The following ZMIZ1 variants were observed in gnomAD, a reference collection of about 807,000 sequenced individuals.
The protein encoded by ZMIZ1 is zinc finger MIZ domain-containing protein 1.
ZMIZ1 carries 17 observed loss-of-function variants against 113.9 expected under a neutral mutation model. That is an observed-to-expected ratio of 0.15 (90% CI 0.10 to 0.22). The LOEUF (loss-of-function observed/expected upper bound fraction) is 0.22. Ranked by LOEUF, ZMIZ1 falls within the 10% of genes least tolerant of loss-of-function variation. The pLI is 1.00. For missense variants in ZMIZ1, 1,059 were observed against 1,477.8 expected (o/e 0.72, Z 4.65); for synonymous variants, 607 against 603.1 (o/e 1.01, Z -0.09).
intron 5 of ZMIZ1, among the ~76,000 whole-genome samples, chr10:79,205,069 G>A (rs553597265): frequency 1.2e-4 from 19 of 152,344 alleles, no homozygotes; most frequent in African/African-American, 4.1e-4. Flanking sequence ...GGATTGATAA[G>A]ATGAATTCAT....
chr10:79,162,005 C>T (rs1033392882), intron 3 of ZMIZ1, 48 bp from the exon 4 acceptor site: 5 of 398,894 alleles, frequency 1.3e-5, no homozygotes, highest in Non-Finnish European at 1.8e-5. Flanking sequence ...TGGTCAGTGC[C>T]GGGCCTCTAC....
At chr10:79,165,978 G>GGGCTCTTCC (rs1564692844) in intron 4 of ZMIZ1, among the ~76,000 whole-genome samples, 3 of 148,732 alleles carry the variant, frequency 2.0e-5, no homozygotes, top group Non-Finnish European at 3.0e-5. Flanking sequence ...GTGTGTGTGT[G>GGGCTCTTCC]TGTGTGTGTG....
intron 1 of ZMIZ1, among the ~76,000 whole-genome samples, chr10:79,100,534 G>C (rs1457184142): frequency 6.6e-6 from 1 of 152,094 alleles, no homozygotes; most frequent in Non-Finnish European, 1.5e-5. Flanking sequence ...TCACATCCCA[G>C]AGGGCCTTGA....
chr10:79,195,764 C>T (rs1177056185), intron 4 of ZMIZ1, among the ~76,000 whole-genome samples: 1 of 152,178 alleles, frequency 6.6e-6, no homozygotes, highest in Non-Finnish European at 1.5e-5. Flanking sequence ...GTGGGGACTA[C>T]CAGGAAGCTC....
intron 5 of ZMIZ1, among the ~76,000 whole-genome samples, chr10:79,203,883 C>G (rs1848206358): frequency 6.6e-6 from 1 of 152,240 alleles, no homozygotes; most frequent in Non-Finnish European, 1.5e-5. Context: ...TCACCTGCCC[C>G]GGCACACACA....
Position 79,159,671 on chromosome 10 carries a change from C to G in ZMIZ1, c.-130-2382C>G, listed in dbSNP as rs1195924032. 2.0e-5 allele frequency among the ~76,000 whole-genome samples: 3 copies of G among 152,230 alleles called. No individual in the cohort carries two copies. The East Asian group carries it at 5.8e-4, about 29-fold the overall frequency. On this transcript the variant is annotated intron_variant, in intron 3 of 24. Coordinates refer to ENST00000334512, the MANE Select transcript of ZMIZ1 (RefSeq NM_020338.4). The stretch of plus-strand genomic sequence containing the variant: ...AGTGCTAAAGGAAATATCCAGGGCA[C>G]AATCCACAATATGGACTCAATACAG...
intron 2 of ZMIZ1, among the ~76,000 whole-genome samples, chr10:79,124,350 A>G (rs532091119): frequency 9.8e-5 from 15 of 152,366 alleles, no homozygotes; most frequent in African/African-American, 3.6e-4. Context: ...AACTCAAAGC[A>G]CAGAGAGGTT....
intron 9 of ZMIZ1, 47 bp downstream of exon 9, chr10:79,289,936 T>G (rs1227858187): frequency 6.4e-7 from 1 of 1,574,784 alleles, no homozygotes. Context: ...TAGGCGGGAG[T>G]GTCCCTTGAC....
At chr10:79,184,352 T>C (rs1052995314) in intron 4 of ZMIZ1, among the ~76,000 whole-genome samples, 1 of 152,206 alleles carries the variant, frequency 6.6e-6, no homozygotes, top group African/African-American at 2.4e-5. Flanking sequence ...CCTTGGAGAC[T>C]GGCAGGTGTG....
intron 7 of ZMIZ1, among the ~76,000 whole-genome samples, chr10:79,260,394 A>G (rs983241562): frequency 2.0e-5 from 3 of 152,174 alleles, no homozygotes; most frequent in Non-Finnish European, 4.4e-5. Context: ...AGGTACGACA[A>G]TTCATAAACG....
intron 1 of ZMIZ1, among the ~76,000 whole-genome samples, chr10:79,097,976 C>G (rs1298388960): frequency 1.3e-5 from 2 of 152,218 alleles, no homozygotes; most frequent in African/African-American, 4.8e-5. Context: ...GTGGATCACT[C>G]AGGCACTCTC....
At position 79,316,225 on chromosome 10, in the gene ZMIZ1, G is replaced by A. The variant is rs942044369; in HGVS notation, c.*3476G>A. The A allele has an allele frequency of 5.2e-5, 8 of 152,524 alleles. No homozygotes were observed. The highest frequency in any genetic ancestry group is 1.4e-4 in the African/African-American group (6 of 41,442). The allele number at this position is 152,524 out of a possible 1,614,324, so 9.4% of individuals were successfully genotyped here. On this transcript the variant is annotated 3_prime_UTR_variant, in exon 25 of 25. Coordinates refer to ENST00000334512, the MANE Select transcript of ZMIZ1 (RefSeq NM_020338.4). The stretch of plus-strand genomic sequence containing the variant: ...AGTAACTCCCACAGAAACCATCATC[G>A]TCTTTGTACATCGTATGTACAATGC...
chr10:79,155,740 C>A (rs2132468696), intron 3 of ZMIZ1, among the ~76,000 whole-genome samples: 2 of 152,386 alleles, frequency 1.3e-5, no homozygotes, highest in South Asian at 4.1e-4. Flanking sequence ...GCATGTGCCT[C>A]TGCCCCACGA....
intron 1 of ZMIZ1, among the ~76,000 whole-genome samples, chr10:79,102,064 A>C (rs1233717000): frequency 6.6e-6 from 1 of 152,146 alleles, no homozygotes; most frequent in Non-Finnish European, 1.5e-5. Context: ...TCCTGCTCTC[A>C]AGGAGGAAGA....
At chr10:79,139,595 C>T (rs1452746864) in intron 2 of ZMIZ1, 87 bp from the exon 3 acceptor site, 13 of 397,610 alleles carry the variant, frequency 3.3e-5, no homozygotes, top group Non-Finnish European at 3.1e-5. Context: ...CTGAGATTAG[C>T]TTGGCGGCAG....
chr10:79,312,567 C>G, intron 24 of ZMIZ1, 75 bp from the exon 25 acceptor site: 1 of 1,489,254 alleles, frequency 6.7e-7, no homozygotes, highest in South Asian at 1.1e-5. Flanking sequence ...CGGGCCAGGG[C>G]GCCCCTGCAT....
Position 79,208,252 on chromosome 10 carries a change from G to T in ZMIZ1, c.61-84G>T, listed in dbSNP as rs1848411236. 2.1e-5 allele frequency: 26 copies of T among 1,212,050 alleles called. No individual in the cohort carries two copies. In the South Asian group the frequency reaches 2.7e-4, roughly 13 times the overall value. The allele number at this position is 1,212,050 out of a possible 1,614,324, so 75.1% of individuals were successfully genotyped here. A position where few individuals can be genotyped will look rare whatever the true frequency, so the allele number is the denominator to read the frequency against. On this transcript the variant is annotated intron_variant, in intron 5 of 24. Transcript: ENST00000334512. ...TGAACCTCCTCCCCAGTGAGGCTGG[G>T]TTCTTCCCACCCCAGACCCCCACAC...
rs552851360 is a variant in ZMIZ1, at chr10:79,282,061, G to C, written c.425+4736G>C. 1.2e-4 allele frequency among the ~76,000 whole-genome samples: 18 copies of C among 152,292 alleles called. No homozygotes were observed. In the South Asian group the frequency reaches 3.5e-3, roughly 30 times the overall value. ...GAGGACACGTTGTGGTTAGGCAATT[G>C]AAAGTTACACAGTCTCTCCTTGCAA... On this transcript the variant is annotated intron_variant, in intron 8 of 24. Transcript: ENST00000334512.
chr10:79,108,255 A>G (rs1843624869), intron 1 of ZMIZ1, among the ~76,000 whole-genome samples: 1 of 152,194 alleles, frequency 6.6e-6, no homozygotes, highest in Non-Finnish European at 1.5e-5. Context: ...GGGAGGTCCC[A>G]TTCCAGTCCC....
Sources: allele counts gnomAD v4.1 joint callset (sites outside exome capture counted in the v4.1 genomes callset), GRCh38; gene constraint gnomAD v4.1.1; transcripts MANE v1.5; gene names NCBI Gene and HGNC (gene_info 2026-07-23, HGNC 2026-07-21).